The following RRP9 variants were observed in gnomAD, a reference collection of about 807,000 sequenced individuals.
RRP9 encodes ribosomal RNA processing 9, U3 small nucleolar RNA binding protein, also known as U3 small nucleolar RNA-interacting protein 2.
RRP9 carries 35 observed loss-of-function variants against 65.5 expected under a neutral mutation model. The ratio of observed to expected loss-of-function variants is 0.53; its 90% CI spans 0.41 to 0.71. The LOEUF (loss-of-function observed/expected upper bound fraction) is 0.71. Among genes scored for constraint, RRP9 ranks in the 30% least tolerant of loss-of-function variants. RRP9 has a pLI of 0.00. For missense variants in RRP9, 533 were observed against 633.6 expected, an observed-to-expected ratio of 0.84 and a Z score of 1.70; for synonymous variants, 254 against 245.0, an observed-to-expected ratio of 1.04 and a Z score of -0.34.
At position 51,937,631 on chromosome 3, in the gene RRP9, C is replaced by A. The variant is rs201499174; in HGVS notation, c.348+38G>T. 5 of 1,614,216 alleles carry A rather than the reference C, an allele frequency of 3.1e-6. No individual in the cohort carries two copies. Among genetic ancestry groups the A allele is most frequent in the Non-Finnish European group, 4.2e-6 (5 of 1,180,024 alleles). ...ATGAGACCCTGGGAGCAGATCAGCT[C>A]CACCCCCGTCCTCCCCCAACTCTCC... is the stretch of plus-strand genomic sequence containing the variant. On this transcript the variant is annotated intron_variant, in intron 4 of 14. Coordinates refer to ENST00000232888, the MANE Select transcript of RRP9 (RefSeq NM_004704.5). This position sits in a 1 kb window ranked among gnomAD's most constrained non-coding sequence, Gnocchi z 5.0.
intron 2 of RRP9, among the ~76,000 whole-genome samples, chr3:51,940,463 G>A (rs1219307481): frequency 6.6e-6 from 1 of 152,036 alleles, no homozygotes; most frequent in African/African-American, 2.4e-5. Flanking sequence ...CAGAAATGAG[G>A]GAGGCATCCA....
Position 51,936,494 on chromosome 3 carries a change from T to G in RRP9, c.579A>C (p.Gly193=). Residue 193 remains glycine (G), a synonymous_variant, in exon 7 of 15, where the codon GGA becomes GGC. Coordinates refer to ENST00000232888, the MANE Select transcript of RRP9 (RefSeq NM_004704.5). ...CGTGGCTGCTGTGGCCAGGGGGCTT[T>G]CCCTCGGCACCCTTCTTGGCTCGAG... ...VIPRAKKGAE[G]KPPGHSSHVL... is the part of the protein sequence containing the mutation. 1 of 1,614,088 alleles carries G rather than the reference T, an allele frequency of 6.2e-7. No homozygotes were observed. The highest frequency in any genetic ancestry group is 8.5e-7 in the Non-Finnish European group (1 of 1,179,998).
In RRP9 at chr3:51,935,177, A is replaced by T; in HGVS notation, c.1034+20T>A. ...TCAGGAGCAGAAGCCGTGGCCAGAGACATCCAAAGGACCTCTTACCCATCG... is the reference window on the plus strand; with the variant it reads ...TCAGGAGCAGAAGCCGTGGCCAGAGTCATCCAAAGGACCTCTTACCCATCG... On this transcript the variant is annotated intron_variant, in intron 11 of 14. Coordinates refer to ENST00000232888, the MANE Select transcript of RRP9 (RefSeq NM_004704.5). The T allele has an allele frequency of 6.2e-7, 1 of 1,613,566 alleles. No individual in the cohort carries two copies. The highest frequency in any genetic ancestry group is 1.3e-5 in the African/African-American group (1 of 74,990).
intron 8 of RRP9, 67 bp from the exon 9 acceptor site, chr3:51,935,759 A>G (rs1699451037): frequency 7.3e-7 from 1 of 1,370,172 alleles, no homozygotes; most frequent in Non-Finnish European, 1.0e-6. Flanking sequence ...GGTCAGGCCC[A>G]GGGAGGACTT....
Position 51,934,710 on chromosome 3 carries a change from C to T in RRP9, c.1101G>A (p.Leu367=), listed in dbSNP as rs758643012. 2.5e-6 allele frequency: 4 copies of T among 1,614,190 alleles called. No homozygotes were observed. The highest frequency in any genetic ancestry group is 1.1e-5 in the South Asian group (1 of 91,084). Reference sequence around the variant, plus strand: ...GCTGCTCCAGGCCTGGCTCTCCCCGCAGCCCGTGAGCTTCACGCTGCAGGG... The same window carrying T: ...GCTGCTCCAGGCCTGGCTCTCCCCGTAGCCCGTGAGCTTCACGCTGCAGGG... The part of the protein sequence containing the change: ...PLALQREAHG[L]RGEPGLEQPF... Residue 367 remains leucine, a synonymous_variant, in exon 12 of 15, where the codon CTG becomes CTA. Coordinates refer to ENST00000232888, the MANE Select transcript of RRP9 (RefSeq NM_004704.5). The surrounding 1 kb of genome is among the most constrained non-coding windows in gnomAD (Gnocchi z 4.1).
chr3:51,935,548 C>T, intron 9 of RRP9, 44 bp downstream of exon 9: 2 of 1,613,504 alleles, frequency 1.2e-6, no homozygotes, highest in Non-Finnish European at 1.7e-6. Flanking sequence ...CACTCCCACA[C>T]CCTCTCTCAC....
At position 51,935,644 on chromosome 3, in the gene RRP9, C is replaced by T. The variant is rs148932643; in HGVS notation, c.784G>A (p.Asp262Asn). ...GTHQLYSTSH[D>N]RSVKVWNVAE... ...ACATTCCACACCTTCACGGAGCGAT[C>T]GTGGGATGTGCTGTAGAGCTGGTGG... is the stretch of plus-strand genomic sequence containing the variant. The change falls in exon 9 of 15, where the codon GAT becomes AAT. Residue 262 changes from aspartate (D) to asparagine (N), a missense_variant. Around this residue, in one of 3 missense-constraint regions of RRP9, gnomAD observed 449 missense variants for 550.6 expected, o/e 0.82. Coordinates refer to ENST00000232888, the MANE Select transcript of RRP9 (RefSeq NM_004704.5). 68 of 1,614,056 alleles carry T rather than the reference C, an allele frequency of 4.2e-5. No individual in the cohort carries two copies. The highest frequency in any genetic ancestry group is 5.7e-5 in the Non-Finnish European group (67 of 1,180,020).
intron 13 of RRP9, 27 bp from the exon 14 acceptor site, chr3:51,933,808 C>T (rs1222815508): frequency 3.4e-5 from 54 of 1,607,162 alleles, no homozygotes; most frequent in Non-Finnish European, 4.5e-5. Context: ...CACGGAAAGA[C>T]ATTAGAACGC....
At position 51,933,542 on chromosome 3, in the gene RRP9, G is replaced by A; in HGVS notation, c.1392C>T (p.Leu464=). ...CAGCTGGGGGTACAGGGACCCTGCG[G>A]AGTGGGATGATGCAGACAGAATTCC... is the stretch of plus-strand genomic sequence containing the variant. ...EARNSVCIIP[L]RRVPVPPAAG... Residue 464 remains leucine, a synonymous_variant, in exon 15 of 15, where the codon CTC becomes CTT. Transcript: ENST00000232888. 1.2e-6 allele frequency: 2 copies of A among 1,614,118 alleles called. No homozygotes were observed. The highest frequency in any genetic ancestry group is 8.5e-7 in the Non-Finnish European group (1 of 1,179,998).
rs766040637 is a variant in RRP9, at chr3:51,937,782, C to T, written c.281-46G>A. On this transcript the variant is annotated intron_variant, in intron 3 of 14. Coordinates refer to ENST00000232888, the MANE Select transcript of RRP9 (RefSeq NM_004704.5). This position sits in a 1 kb window ranked among gnomAD's most constrained non-coding sequence, Gnocchi z 5.0. ...CAAGTAAACTGAGGCTGAGACCCCT[C>T]TTTCCCTTCCATCCTGTCCCCATCC... 34 of 1,605,302 alleles carry T rather than the reference C, an allele frequency of 2.1e-5. No individual in the cohort carries two copies. The highest frequency in any genetic ancestry group is 2.7e-5 in the Non-Finnish European group (32 of 1,173,652).
In RRP9 at chr3:51,938,094, C is replaced by T. The variant is rs1699478940; in HGVS notation, c.280+1G>A. The T allele has an allele frequency of 6.3e-7, 1 of 1,597,146 alleles. No homozygotes were observed. Among genetic ancestry groups the T allele is most frequent in the Non-Finnish European group, 8.5e-7 (1 of 1,175,866 alleles). ...CATGGCTGGCCTGCCCACTGGCTCA[C>T]CTTGCTGACGGAGCTGCTCTAGGTA... On this transcript the variant is annotated splice_donor_variant, in intron 3 of 14. Coordinates refer to ENST00000232888, the MANE Select transcript of RRP9 (RefSeq NM_004704.5). LOFTEE classifies it high-confidence loss of function.
chr3:51,935,500 T>G (rs1270905885), intron 9 of RRP9, 24 bp from the exon 10 acceptor site: 3 of 1,613,666 alleles, frequency 1.9e-6, no homozygotes, highest in Non-Finnish European at 2.5e-6. Flanking sequence ...CAGAGCAGGA[T>G]AGTGGGGATA....
chr3:51,940,325 G>A (rs549485883), intron 2 of RRP9, among the ~76,000 whole-genome samples: 2 of 152,000 alleles, frequency 1.3e-5, no homozygotes, highest in African/African-American at 2.4e-5. Flanking sequence ...TTTTAGAAGC[G>A]AGTTCTAAAG....
rs147742914 is a variant in RRP9 at position 51,935,635 on chromosome 3, C to A, written c.793G>T (p.Val265Leu). The change falls in exon 9 of 15, where the codon GTG becomes TTG. Residue 265 changes from valine (V) to leucine (L), a missense_variant. Val to Leu is a conservative substitution (Grantham distance 32, BLOSUM62 1). Transcript: ENST00000232888. ...TTCTCTGCCACATTCCACACCTTCA[C>A]GGAGCGATCGTGGGATGTGCTGTAG... is the stretch of plus-strand genomic sequence containing the variant. Reference protein sequence around the residue: ...QLYSTSHDRSVKVWNVAENSY... With the variant: ...QLYSTSHDRSLKVWNVAENSY... 9 of 1,614,184 alleles carry A rather than the reference C, an allele frequency of 5.6e-6. No individual in the cohort carries two copies. The highest frequency in any genetic ancestry group is 2.2e-5 in the East Asian group (1 of 44,870).
Position 51,934,567 on chromosome 3 carries a change from C to T in RRP9, c.1181-16G>A, listed in dbSNP as rs1577649267. On this transcript the variant is annotated splice_polypyrimidine_tract_variant and intron_variant, in intron 12 of 14. Coordinates refer to ENST00000232888, the MANE Select transcript of RRP9 (RefSeq NM_004704.5). This position sits in a 1 kb window ranked among gnomAD's most constrained non-coding sequence, Gnocchi z 4.1. ...CTGTGGGAGCCTGGGGAGACTGGAACAGTGAGCAACCCCTGCACCGGCCCA... is the reference window on the plus strand; with the variant it reads ...CTGTGGGAGCCTGGGGAGACTGGAATAGTGAGCAACCCCTGCACCGGCCCA... The T allele has an allele frequency of 1.2e-6, 2 of 1,613,786 alleles. No individual in the cohort carries two copies.
intron 8 of RRP9, 26 bp downstream of exon 8, chr3:51,936,231 C>T: frequency 6.2e-7 from 1 of 1,603,478 alleles, no homozygotes; most frequent in East Asian, 2.2e-5. Flanking sequence ...CACTAAAGAT[C>T]CACTGACATA....
chr3:51,934,596 G>A lies in RRP9; in HGVS notation c.1180+35C>T, dbSNP rs756008641. 21 of 1,613,498 alleles carry A rather than the reference G, an allele frequency of 1.3e-5. No homozygotes were observed. Among genetic ancestry groups the A allele is most frequent in the Middle Eastern group, 1.6e-4 (1 of 6,080 alleles). On this transcript the variant is annotated intron_variant, in intron 12 of 14. Coordinates refer to ENST00000232888, the MANE Select transcript of RRP9 (RefSeq NM_004704.5). The surrounding 1 kb of genome is among the most constrained non-coding windows in gnomAD (Gnocchi z 4.1). ...GAGCAACCCCTGCACCGGCCCACCC[G>A]GCGACCCCTCCTCCCTGCCTCTCAG...
chr3:51,935,230 T>C lies in RRP9; in HGVS notation c.1001A>G (p.Asn334Ser), dbSNP rs1265740084. Residue 334 changes from asparagine (N) to serine (S), a missense_variant, in exon 11 of 15, where the codon AAT (asparagine) becomes AGT (serine). Asn to Ser is a conservative substitution (Grantham distance 46). Coordinates refer to ENST00000232888, the MANE Select transcript of RRP9 (RefSeq NM_004704.5). ...QGSIDCIHLI[N>S]EEHMVSGADD... ...CGCGCCGGACACCATGTGCTCCTCATTGATTAGGTGGATGCAGTCGATGGA... is the reference window on the plus strand; with the variant it reads ...CGCGCCGGACACCATGTGCTCCTCACTGATTAGGTGGATGCAGTCGATGGA... The C allele has an allele frequency of 9.9e-6, 16 of 1,613,538 alleles. No homozygotes were observed. The highest frequency in any genetic ancestry group is 6.6e-5 in the South Asian group (6 of 91,072).
intron 2 of RRP9, 123 bp from the exon 3 acceptor site, chr3:51,938,327 G>A (rs918175186): frequency 7.1e-6 from 5 of 706,636 alleles, no homozygotes; most frequent in South Asian, 3.4e-5. Flanking sequence ...CCACATGGTC[G>A]GTGACTACAC....
Sources: allele counts gnomAD v4.1 joint callset (sites outside exome capture counted in the v4.1 genomes callset), GRCh38; gene constraint gnomAD v4.1.1; regional missense constraint gnomAD v4.1.1; non-coding constraint Gnocchi (gnomAD v3.1); transcripts MANE v1.5; gene names NCBI Gene and HGNC (gene_info 2026-07-23, HGNC 2026-07-21).